Variants in JUP observed in about 807,000 individuals in gnomAD.
The protein encoded by JUP is catenin (cadherin-associated protein), gamma 80kDa.
JUP carries 28 observed loss-of-function variants against 71.1 expected under a neutral mutation model. That is an observed-to-expected ratio of 0.39 (90% confidence interval 0.29 to 0.54). The LOEUF is 0.54. Among genes scored for constraint, JUP ranks in the 20% least tolerant of loss-of-function variants. JUP has a pLI of 0.62. For synonymous variants in JUP, 401 were observed against 438.9 expected (o/e 0.91, Z 1.08); for missense variants, 869 against 1,030.1 (o/e 0.84, Z 2.14).
intron 8 of JUP, among the ~76,000 whole-genome samples, chr17:41,762,206 T>TGTG (rs1915004860): frequency 3.2e-5 from 4 of 125,646 alleles, no homozygotes; most frequent in African/African-American, 5.9e-5. Context: ...TGTGTGTGTG[T>TGTG]TTTAGATTGT....
At chr17:41,757,891 G>A in intron 10 of JUP, 107 bp from the exon 11 acceptor site, 1 of 943,130 alleles carries the variant, frequency 1.1e-6, no homozygotes, top group Non-Finnish European at 1.6e-6. Flanking sequence ...CAATTCCATA[G>A]TGGAAAATGG....
At chr17:41,756,988 C>T (rs1162281528) in intron 12 of JUP, among the ~76,000 whole-genome samples, 1 of 152,196 alleles carries the variant, frequency 6.6e-6, no homozygotes, top group Non-Finnish European at 1.5e-5. Context: ...GAAATGGGGT[C>T]ACCCAGTGCC....
chr17:41,777,056 A>G (rs986551531), intron 1 of JUP, among the ~76,000 whole-genome samples: 4 of 152,216 alleles, frequency 2.6e-5, no homozygotes, highest in Admixed American at 1.3e-4. Context: ...GCTGGCACAG[A>G]GACCTGTCGG....
In JUP at chr17:41,764,697, C is replaced by T; in HGVS notation, c.1158+16G>A. 2 of 1,609,214 alleles carry T rather than the reference C, an allele frequency of 1.2e-6. No homozygotes were observed. Among genetic ancestry groups the T allele is most frequent in the Non-Finnish European group, 8.5e-7 (1 of 1,177,226 alleles). ...CAGCTGAAGAGGTCAACCCCAGGCCCAGATACCTCCCTCACCTGCTTGGTG... is the reference window on the plus strand; with the variant it reads ...CAGCTGAAGAGGTCAACCCCAGGCCTAGATACCTCCCTCACCTGCTTGGTG... On this transcript the variant is annotated intron_variant, in intron 7 of 13. Coordinates refer to ENST00000393931, the MANE Select transcript of JUP (RefSeq NM_002230.4).
intron 8 of JUP, among the ~76,000 whole-genome samples, chr17:41,762,123 CAGAGAGAGAG>C (rs528611507): frequency 0.013 from 883 of 68,956 alleles, 2 homozygotes; most frequent in Middle Eastern, 0.019. Flanking sequence ...TGCAGAGAGA[CAGAGAGAGAG>C]AGAGAGAGAG....
rs573614651 is a variant in JUP at position 41,763,137 on chromosome 17, T to C, written c.1343A>G (p.Lys448Arg). Residue 448 changes from lysine (K) to arginine (R), a missense_variant, in exon 8 of 14, where the codon AAG becomes AGG. Physicochemically the swap from Lys to Arg is conservative, Grantham distance 26. Coordinates refer to ENST00000393931, the MANE Select transcript of JUP (RefSeq NM_002230.4). ...GACGGCAGGCTCCGTGATGTCGTCC[T>C]TGTCACCAGCACGCAGGATGGCATG... is the stretch of plus-strand genomic sequence containing the variant. ...LIHAILRAGD[K>R]DDITEPAVCA... is the part of the protein sequence containing the mutation. 1.2e-6 allele frequency: 2 copies of C among 1,614,224 alleles called. No individual in the cohort carries two copies. Among genetic ancestry groups the C allele is most frequent in the African/African-American group, 2.7e-5 (2 of 75,052 alleles).
intron 1 of JUP, among the ~76,000 whole-genome samples, chr17:41,780,567 T>C (rs2143866629): frequency 6.6e-6 from 1 of 151,786 alleles, no homozygotes; most frequent in African/African-American, 2.4e-5. Flanking sequence ...TGGTGGCGCA[T>C]GCCTGTAGTC....
chr17:41,782,706 A>AC (rs1567834885), intron 1 of JUP, among the ~76,000 whole-genome samples: 1 of 151,764 alleles, frequency 6.6e-6, no homozygotes, highest in Non-Finnish European at 1.5e-5. Flanking sequence ...GACAGGTATC[A>AC]CCCCCACCTA....
At position 41,758,494 on chromosome 17, in the gene JUP, C is replaced by T; in HGVS notation, c.1678G>A (p.Val560Met). The T allele has an allele frequency of 6.2e-7, 1 of 1,613,468 alleles. No homozygotes were observed. Among genetic ancestry groups the T allele is most frequent in the Non-Finnish European group, 8.5e-7 (1 of 1,179,506 alleles). ...TGCAGTGCTCCGGTGCAGCCCTCCA[C>T]AATCTCCTCCATCCTCACACCATCC... ...YTDGVRMEEIVEGCTGALHIL... is the reference protein window; with the variant it reads ...YTDGVRMEEIMEGCTGALHIL... Residue 560 changes from valine to methionine, a missense_variant, in exon 10 of 14, where the codon GTG becomes ATG. By Grantham distance (21) the Val-to-Met change is conservative (BLOSUM62 1). Transcript: ENST00000393931.
intron 1 of JUP, among the ~76,000 whole-genome samples, chr17:41,774,150 C>A (rs1262269571): frequency 3.3e-5 from 5 of 151,940 alleles, no homozygotes; most frequent in African/African-American, 9.7e-5. Context: ...CCTCACCACC[C>A]CCACCAGCCC....
chr17:41,764,534 GAAAAAAAA>G (rs1555603054), intron 7 of JUP, among the ~76,000 whole-genome samples, 171 bp downstream of exon 7: 14 of 83,910 alleles, frequency 1.7e-4, no homozygotes, highest in East Asian at 6.7e-4. Context: ...GACTCCGTCA[GAAAAAAAA>G]AAAAAAAAAA....
intron 13 of JUP, 126 bp downstream of exon 13, chr17:41,756,049 C>A: frequency 7.6e-7 from 1 of 1,315,002 alleles, no homozygotes; most frequent in Non-Finnish European, 1.1e-6. Flanking sequence ...GACTGGGGTA[C>A]ATGTGGATGC....
chr17:41,771,594 C>G (rs2143732408), intron 2 of JUP, 53 bp downstream of exon 2: 1 of 1,549,720 alleles, frequency 6.5e-7, no homozygotes, highest in Non-Finnish European at 8.9e-7. Context: ...TGACCTCTCT[C>G]CAGGACCCAG....
In JUP at chr17:41,767,481, C is replaced by G; in HGVS notation, c.807G>C (p.Gly269=). ...TGAGCAGGGGCACCATCTTTTGCAG[C>G]CCGTCGGCCAGGCGCACGGCCATCT... The part of the protein sequence containing the change: ...GAKMAVRLAD[G]LQKMVPLLNK... The change falls in exon 5 of 14, where the codon GGG becomes GGC. Residue 269 remains glycine, a synonymous_variant. Transcript: ENST00000393931. 6.2e-7 allele frequency: 1 copy of G among 1,614,076 alleles called. No homozygotes were observed. Among genetic ancestry groups the G allele is most frequent in the Non-Finnish European group, 8.5e-7 (1 of 1,180,024 alleles).
At chr17:41,764,586 C>G in intron 7 of JUP, 127 bp downstream of exon 7, 1 of 710,082 alleles carries the variant, frequency 1.4e-6, no homozygotes, top group South Asian at 1.5e-5. Flanking sequence ...GCATTTCCAG[C>G]CTCAGTCACA....
intron 1 of JUP, among the ~76,000 whole-genome samples, chr17:41,783,854 G>A (rs1293987552): frequency 2.1e-5 from 3 of 146,136 alleles, no homozygotes; most frequent in African/African-American, 7.7e-5. Context: ...AGGAGGCGGA[G>A]GTTGCAGTGA....
intron 4 of JUP, 139 bp from the exon 5 acceptor site, chr17:41,767,719 C>T (rs1555604706): frequency 1.5e-6 from 1 of 679,192 alleles, no homozygotes. Flanking sequence ...GCTAAAATCT[C>T]ATCACTCCTT....
chr17:41,773,896 T>G (rs1917054088), intron 1 of JUP, among the ~76,000 whole-genome samples: 2 of 152,192 alleles, frequency 1.3e-5, no homozygotes, highest in South Asian at 4.1e-4. Flanking sequence ...AATAACCCAC[T>G]GAATGCCGCT....
chr17:41,760,606 G>C (rs539879265), intron 8 of JUP, among the ~76,000 whole-genome samples: 2 of 151,960 alleles, frequency 1.3e-5, no homozygotes, highest in East Asian at 3.9e-4. Flanking sequence ...CTGTCACCCA[G>C]GCTGGAGTGC....
Sources: gnomAD v4.1 joint callset for allele counts (sites outside exome capture counted in the v4.1 genomes callset) on GRCh38, gnomAD v4.1.1 for gene constraint, MANE v1.5 for transcripts, NCBI Gene and HGNC (gene_info 2026-07-23, HGNC 2026-07-21) for gene names.